The following SLC39A11 variants were observed in gnomAD, a reference collection of about 807,000 sequenced individuals.
The protein encoded by SLC39A11 is zinc transporter ZIP11.
In SLC39A11, 33 loss-of-function variants were observed where a neutral mutation model predicts 36.1. The observed-to-expected ratio is 0.91, with a 90% CI of 0.69 to 1.22. The LOEUF (loss-of-function observed/expected upper bound fraction) is 1.22. SLC39A11 is among the 50% of genes most tolerant of loss of function. The pLI is 0.00. For synonymous variants in SLC39A11, 166 were observed against 170.3 expected, an observed-to-expected ratio of 0.97 and a Z score of 0.20; for missense variants, 432 against 430.3, an observed-to-expected ratio of 1.00 and a Z score of -0.03.
chr17:73,086,154 G>T (rs2060722429), intron 2 of SLC39A11, among the ~76,000 whole-genome samples: 1 of 152,196 alleles, frequency 6.6e-6, no homozygotes, highest in African/African-American at 2.4e-5. Flanking sequence ...GAAGGCTCCT[G>T]ATTGGAAGGG....
At chr17:72,791,033 A>G (rs529174362) in intron 6 of SLC39A11, among the ~76,000 whole-genome samples, 1 of 152,350 alleles carries the variant, frequency 6.6e-6, no homozygotes, top group South Asian at 2.1e-4. Context: ...GAGGCCTCAG[A>G]TCAGCAGCAT....
chr17:72,656,259 A>G (rs911941228), intron 7 of SLC39A11, among the ~76,000 whole-genome samples: 2 of 152,152 alleles, frequency 1.3e-5, no homozygotes, highest in Non-Finnish European at 2.9e-5. Context: ...AGTAGCACAA[A>G]GACACTATTA....
At chr17:72,967,923 C>T (rs987291111) in intron 4 of SLC39A11, among the ~76,000 whole-genome samples, 9 of 152,082 alleles carry the variant, frequency 5.9e-5, no homozygotes, top group Middle Eastern at 3.2e-3. Context: ...TCTTTTCCAC[C>T]CTCGGTTGTT....
At chr17:73,029,650 C>T (rs1020706511) in intron 4 of SLC39A11, among the ~76,000 whole-genome samples, 3 of 151,798 alleles carry the variant, frequency 2.0e-5, no homozygotes, top group Admixed American at 6.6e-5. Flanking sequence ...GGCACCATCT[C>T]GGCTCACTGC....
chr17:72,907,756 A>G (rs2082733130), intron 5 of SLC39A11, among the ~76,000 whole-genome samples: 3 of 152,156 alleles, frequency 2.0e-5, no homozygotes, highest in Non-Finnish European at 4.4e-5. Flanking sequence ...AGAACCTCCT[A>G]CTGCAGATAA....
chr17:72,906,744 A>T (rs1206017054), intron 5 of SLC39A11, among the ~76,000 whole-genome samples: 1 of 152,214 alleles, frequency 6.6e-6, no homozygotes, highest in East Asian at 1.9e-4. Context: ...CCAAAATCAA[A>T]ATACACTTAG....
intron 7 of SLC39A11, chr17:72,712,681 C>T (rs1345730443): frequency 6.6e-6 from 1 of 152,140 alleles, no homozygotes; most frequent in Non-Finnish European, 1.5e-5. Flanking sequence ...GTAACCCTCC[C>T]CTAGAAAGCT....
chr17:72,945,603 C>G (rs1381900644), intron 5 of SLC39A11, among the ~76,000 whole-genome samples: 1 of 152,148 alleles, frequency 6.6e-6, no homozygotes, highest in African/African-American at 2.4e-5. Flanking sequence ...TGTGCTTCCC[C>G]AAGAGCTGCA....
chr17:72,784,068 G>C (rs1179104948), intron 6 of SLC39A11, among the ~76,000 whole-genome samples: 1 of 152,170 alleles, frequency 6.6e-6, no homozygotes, highest in Non-Finnish European at 1.5e-5. Context: ...GGAAAGGCCT[G>C]GTGTGGTGCC....
At chr17:72,920,752 C>T (rs1385781187) in intron 5 of SLC39A11, among the ~76,000 whole-genome samples, 15 of 144,928 alleles carry the variant, frequency 1.0e-4, no homozygotes, top group Admixed American at 3.4e-4. Context: ...CATACACACA[C>T]GCATACTTCC....
intron 5 of SLC39A11, among the ~76,000 whole-genome samples, chr17:72,937,466 ACAAAAAAT>A (rs1449649740): frequency 6.6e-6 from 1 of 151,990 alleles, no homozygotes; most frequent in South Asian, 2.1e-4. Flanking sequence ...AAACAAACAA[ACAAAAAAT>A]AAATAAATAA....
intron 5 of SLC39A11, among the ~76,000 whole-genome samples, chr17:72,866,135 G>A (rs139859068): frequency 2.6e-4 from 39 of 152,282 alleles, no homozygotes; most frequent in Non-Finnish European, 4.1e-4. Flanking sequence ...ATTGACAGCC[G>A]CTCCCCATCG....
intron 3 of SLC39A11, among the ~76,000 whole-genome samples, chr17:73,072,923 T>C (rs1441375884): frequency 1.3e-5 from 2 of 152,258 alleles, no homozygotes; most frequent in African/African-American, 4.8e-5. Context: ...CCCACGCCTG[T>C]AATCCCAGCA....
At chr17:72,849,572 C>A (rs1419916586) in intron 6 of SLC39A11, 62 bp downstream of exon 6, 5 of 1,400,602 alleles carry the variant, frequency 3.6e-6, no homozygotes, top group Non-Finnish European at 3.7e-6. Flanking sequence ...AGCCAGACAA[C>A]TGTGCTGACA....
chr17:72,883,178 A>AT (rs1380131484), intron 5 of SLC39A11, among the ~76,000 whole-genome samples: 10 of 152,184 alleles, frequency 6.6e-5, no homozygotes, highest in Admixed American at 3.9e-4. Flanking sequence ...TAACATAAGC[A>AT]TGGGCGCATG....
chr17:72,851,267 G>C (rs2079303791), intron 5 of SLC39A11, among the ~76,000 whole-genome samples: 1 of 152,128 alleles, frequency 6.6e-6, no homozygotes, highest in Non-Finnish European at 1.5e-5. Context: ...AAATATCCAT[G>C]GTCCCCTGGG....
chr17:72,845,009 C>A (rs1275446506), intron 6 of SLC39A11, among the ~76,000 whole-genome samples: 1 of 152,136 alleles, frequency 6.6e-6, no homozygotes, highest in Non-Finnish European at 1.5e-5. Flanking sequence ...CACCTTCAAT[C>A]GGGACCCAGG....
At position 73,004,218 on chromosome 17, in the gene SLC39A11, A is replaced by AG. The variant is rs1491096618; in HGVS notation, c.306+27337dup. ...AAGAAAGAAAGAAAGAAAGAAAGAAAGAAAGAAAGAAAGAAAAGAAAGAAA... is the reference window on the plus strand; with the variant it reads ...AAGAAAGAAAGAAAGAAAGAAAGAAAGGAAAGAAAGAAAGAAAAGAAAGAAA... On this transcript the variant is annotated intron_variant, in intron 4 of 9. Coordinates refer to ENST00000255559, the MANE Select transcript of SLC39A11 (RefSeq NM_139177.4). Among the ~76,000 whole-genome samples, 343 of 113,216 alleles carry AG rather than the reference A, an allele frequency of 3.0e-3. 7 individuals carry two copies. Among genetic ancestry groups the AG allele is most frequent in the Non-Finnish European group, 3.8e-3 (198 of 52,548 alleles). The allele number at this position is 113,216 out of a possible 152,430, so 74.3% of individuals were successfully genotyped here.
chr17:72,919,143 T>G (rs1211368678), intron 5 of SLC39A11, among the ~76,000 whole-genome samples: 1 of 152,152 alleles, frequency 6.6e-6, no homozygotes, highest in Non-Finnish European at 1.5e-5. Context: ...AATTTGCCTC[T>G]CCACGTGATT....
Sources: allele counts gnomAD v4.1 joint callset (sites outside exome capture counted in the v4.1 genomes callset), GRCh38; gene constraint gnomAD v4.1.1; transcripts MANE v1.5; gene names NCBI Gene and HGNC (gene_info 2026-07-23, HGNC 2026-07-21).